Variants in NDUFAF2 observed in about 807,000 individuals in gnomAD.
NDUFAF2 encodes NADH:ubiquinone oxidoreductase complex assembly factor 2, also known as NADH dehydrogenase [ubiquinone] 1 alpha subcomplex assembly factor 2.
NDUFAF2 carries 13 observed loss-of-function variants against 22.8 expected under a neutral mutation model. The ratio of observed to expected loss-of-function variants is 0.57; its 90% CI spans 0.37 to 0.91. NDUFAF2 has a LOEUF of 0.91. Ranked by LOEUF, NDUFAF2 falls within the 40% of genes least tolerant of loss-of-function variation. The pLI is 0.01. For missense variants in NDUFAF2, 162 were observed against 195.2 expected (o/e 0.83, Z 1.01); for synonymous variants, 53 against 64.2 (o/e 0.83, Z 0.84).
intron 2 of NDUFAF2, among the ~76,000 whole-genome samples, chr5:61,094,353 T>C (rs777097317): frequency 6.6e-6 from 1 of 152,234 alleles, no homozygotes; most frequent in African/African-American, 2.4e-5. Flanking sequence ...TACATTCTTC[T>C]CTATACTGGC....
chr5:61,133,873 A>G (rs763850629), intron 3 of NDUFAF2, among the ~76,000 whole-genome samples: 6 of 152,208 alleles, frequency 3.9e-5, no homozygotes, highest in Non-Finnish European at 7.3e-5. Flanking sequence ...GCAAAAACCT[A>G]TTTTCATACA....
chr5:61,069,826 A>G (rs898243863), intron 1 of NDUFAF2, among the ~76,000 whole-genome samples: 2 of 152,038 alleles, frequency 1.3e-5, no homozygotes, highest in Admixed American at 6.6e-5. Flanking sequence ...GGCTCCATAT[A>G]TTTCTAAACA....
chr5:61,085,041 T>C (rs1241588490), intron 2 of NDUFAF2, among the ~76,000 whole-genome samples: 1 of 152,188 alleles, frequency 6.6e-6, no homozygotes, highest in Non-Finnish European at 1.5e-5. Context: ...ATAGGAATAC[T>C]TCTCTACTCA....
In NDUFAF2 at chr5:60,966,584, A is replaced by C. The variant is rs113790692; in HGVS notation, c.127+21202A>C. 1.8e-3 allele frequency among the ~76,000 whole-genome samples: 274 copies of C among 152,286 alleles called. 4 individuals carry two copies. Among genetic ancestry groups the C allele is most frequent in the African/African-American group, 6.4e-3 (267 of 41,582 alleles). On this transcript the variant is annotated intron_variant, in intron 1 of 3. Transcript: ENST00000296597. ...TTCATTCTTTTGCATGTGGATATCC[A>C]GTTTTCCAAACATTATTTATTGAAG...
intron 2 of NDUFAF2, among the ~76,000 whole-genome samples, chr5:61,092,142 TTTTG>T (rs1199285718): frequency 4.6e-5 from 7 of 152,114 alleles, no homozygotes; most frequent in South Asian, 2.1e-4. Context: ...TCCAGCTTTG[TTTTG>T]TTTGTTTGTT....
chr5:61,025,308 A>G (rs1751636029), intron 1 of NDUFAF2, among the ~76,000 whole-genome samples: 1 of 152,062 alleles, frequency 6.6e-6, no homozygotes, highest in African/African-American at 2.4e-5. Context: ...TTTACAGATC[A>G]TCCGTAAGAT....
At position 61,098,142 on chromosome 5, in the gene NDUFAF2, C is replaced by T. The variant is rs1310525152; in HGVS notation, c.218-850C>T. On this transcript the variant is annotated intron_variant, in intron 2 of 3. Transcript: ENST00000296597. ...CTTATGTGCCAGGCTTCAAAGTAAA[C>T]ATTTATGTATATTATCTTATATAAT... Among the ~76,000 whole-genome samples, 3 of 152,094 alleles carry T rather than the reference C, an allele frequency of 2.0e-5. No individual in the cohort carries two copies. In the East Asian group the frequency reaches 5.8e-4, roughly 29 times the overall value.
Position 60,953,782 on chromosome 5 carries a change from C to T in NDUFAF2, c.127+8400C>T, listed in dbSNP as rs1750579242. On this transcript the variant is annotated intron_variant, in intron 1 of 3. Coordinates refer to ENST00000296597, the MANE Select transcript of NDUFAF2 (RefSeq NM_174889.5). ...CTTTGGTAAATGTTTTTAATGTAAC[C>T]TAATGCTATGGTTTACTGTATTTAT... Among the ~76,000 whole-genome samples the T allele has an allele frequency of 1.3e-5, 2 of 151,962 alleles. 1 individual carries two copies. Among genetic ancestry groups the T allele is most frequent in the South Asian group, 4.2e-4 (2 of 4,810 alleles).
chr5:61,133,378 A>G (rs1005775009), intron 3 of NDUFAF2, among the ~76,000 whole-genome samples: 1 of 152,204 alleles, frequency 6.6e-6, no homozygotes, highest in African/African-American at 2.4e-5. Context: ...TTTAAGCCAC[A>G]TACTTGGTGA....
chr5:61,139,090 C>T (rs936903187), intron 3 of NDUFAF2, among the ~76,000 whole-genome samples: 7 of 152,170 alleles, frequency 4.6e-5, no homozygotes, highest in Non-Finnish European at 7.3e-5. Context: ...GGTTATATCC[C>T]GATAAACCCA....
chr5:61,125,760 T>C (rs1168216476), intron 3 of NDUFAF2, among the ~76,000 whole-genome samples: 1 of 152,096 alleles, frequency 6.6e-6, no homozygotes, highest in Admixed American at 6.6e-5. Flanking sequence ...GACAGTGTTA[T>C]ATATTTAAAA....
chr5:60,945,339 C>A lies in NDUFAF2; in HGVS notation c.84C>A (p.Phe28Leu). Residue 28 changes from phenylalanine (F) to leucine (L), a missense_variant, in exon 1 of 4, where the codon TTC (phenylalanine) becomes TTA (leucine). Transcript: ENST00000296597. ...AGGAGCACGTGGGCACGGACCAATT[C>A]GGGAACAAATACTACTACATCCCGC... Reference protein sequence around the residue: ...EVKEHVGTDQFGNKYYYIPQY... With the variant: ...EVKEHVGTDQLGNKYYYIPQY... The A allele has an allele frequency of 6.2e-7, 1 of 1,614,106 alleles. No homozygotes were observed. The highest frequency in any genetic ancestry group is 2.2e-5 in the East Asian group (1 of 44,866).
intron 1 of NDUFAF2, among the ~76,000 whole-genome samples, chr5:61,042,640 A>T (rs992582787): frequency 1.3e-4 from 20 of 152,202 alleles, no homozygotes; most frequent in African/African-American, 4.3e-4. Flanking sequence ...CCATGTGAAT[A>T]TATTAGTCCA....
At chr5:61,063,019 A>G (rs1009673878) in intron 1 of NDUFAF2, among the ~76,000 whole-genome samples, 2 of 152,270 alleles carry the variant, frequency 1.3e-5, no homozygotes, top group East Asian at 1.9e-4. Flanking sequence ...AAGGGAATTC[A>G]TTACTGCTAG....
intron 2 of NDUFAF2, among the ~76,000 whole-genome samples, chr5:61,085,344 A>G (rs1027023006): frequency 6.6e-6 from 1 of 152,162 alleles, no homozygotes; most frequent in Non-Finnish European, 1.5e-5. Flanking sequence ...TTCAATATAC[A>G]TTTATGATTA....
chr5:61,102,296 T>A (rs1427008713), intron 3 of NDUFAF2, among the ~76,000 whole-genome samples: 1 of 152,128 alleles, frequency 6.6e-6, no homozygotes, highest in Non-Finnish European at 1.5e-5. Context: ...AAACTATAGT[T>A]ATCTAGACAG....
At chr5:61,119,305 G>A (rs1156729365) in intron 3 of NDUFAF2, among the ~76,000 whole-genome samples, 1 of 152,154 alleles carries the variant, frequency 6.6e-6, no homozygotes, top group Non-Finnish European at 1.5e-5. Context: ...TTCTTTGCAT[G>A]TAGACTTCTT....
chr5:61,018,176 A>T (rs1032138488), intron 1 of NDUFAF2, among the ~76,000 whole-genome samples: 3 of 152,200 alleles, frequency 2.0e-5, no homozygotes, highest in African/African-American at 7.2e-5. Flanking sequence ...TATCATATTT[A>T]TATGGTAAAA....
At chr5:61,132,043 G>A (rs895108453) in intron 3 of NDUFAF2, among the ~76,000 whole-genome samples, 8 of 152,180 alleles carry the variant, frequency 5.3e-5, no homozygotes, top group Middle Eastern at 3.4e-3. Context: ...ACTATTTCAA[G>A]TTTCTTGTTT....
Sources: allele counts gnomAD v4.1 joint callset (sites outside exome capture counted in the v4.1 genomes callset), GRCh38; gene constraint gnomAD v4.1.1; transcripts MANE v1.5; gene names NCBI Gene and HGNC (gene_info 2026-07-23, HGNC 2026-07-21).